KSR2: variants seen among roughly 807,000 people sequenced by gnomAD.
The protein encoded by KSR2 is kinase suppressor of ras 2.
KSR2 carries 25 observed loss-of-function variants against 107.8 expected under a neutral mutation model. The observed-to-expected ratio is 0.23, with a 90% CI of 0.17 to 0.32. The LOEUF (loss-of-function observed/expected upper bound fraction) is 0.32. Among genes scored for constraint, KSR2 ranks in the 10% least tolerant of loss-of-function variants. The pLI, the probability that KSR2 is intolerant of heterozygous loss-of-function variation, is 1.00. For synonymous variants in KSR2, 480 were observed against 507.0 expected (o/e 0.95, Z 0.71); for missense variants, 887 against 1,268.9 (o/e 0.70, Z 4.57).
At chr12:117,521,865 G>A (rs1274180854) in intron 14 of KSR2, among the ~76,000 whole-genome samples, 1 of 152,166 alleles carries the variant, frequency 6.6e-6, no homozygotes, top group African/African-American at 2.4e-5. Flanking sequence ...GTTTCAAACT[G>A]AACGTGCAGA....
chr12:117,768,333 G>A (rs78054786), intron 3 of KSR2, among the ~76,000 whole-genome samples: 4,926 of 152,304 alleles, frequency 0.032, 117 homozygotes, highest in African/African-American at 0.063. Flanking sequence ...TTGATCATAT[G>A]GCTTAAAAGC....
chr12:117,684,583 T>A (rs541729431), intron 4 of KSR2, among the ~76,000 whole-genome samples: 1 of 151,272 alleles, frequency 6.6e-6, no homozygotes, highest in African/African-American at 2.4e-5. Flanking sequence ...CTGTGTAGAG[T>A]GGTTATGTGG....
chr12:117,968,270 C>A lies in KSR2; in HGVS notation c.-15G>T. 1 of 1,561,708 alleles carries A rather than the reference C, an allele frequency of 6.4e-7. No homozygotes were observed. Among genetic ancestry groups the A allele is most frequent in the Non-Finnish European group, 8.6e-7 (1 of 1,160,112 alleles). ...TCCTCATCCATCGCTTGCTCTGCAA[C>A]CCCCTTCCCCTCCTCCTCCTCCCAG... On this transcript the variant is annotated 5_prime_UTR_variant, in exon 1 of 20. Transcript: ENST00000339824.
At chr12:117,583,514 T>C (rs1367553922) in intron 5 of KSR2, among the ~76,000 whole-genome samples, 1 of 151,840 alleles carries the variant, frequency 6.6e-6, no homozygotes, top group Non-Finnish European at 1.5e-5. Context: ...GGTGGGTGGA[T>C]GCATGATGAA....
At chr12:117,919,191 A>G (rs1407969495) in intron 1 of KSR2, among the ~76,000 whole-genome samples, 3 of 152,218 alleles carry the variant, frequency 2.0e-5, no homozygotes, top group Non-Finnish European at 4.4e-5. Flanking sequence ...CAAACCAGGC[A>G]TGTTCTTGCC....
In KSR2 at chr12:117,555,277, G is replaced by T. The variant is rs1192063645; in HGVS notation, c.1410C>A (p.Val470=). The change falls in exon 9 of 20, where the codon GTC becomes GTA. Residue 470 remains valine, a synonymous_variant. Coordinates refer to ENST00000339824, the MANE Select transcript of KSR2 (RefSeq NM_173598.6). ...IIHRGDPARL[V]RTESVPCDIN... ...TGTCACACGGAACGGACTCTGTCCG[G>T]ACTAACCTTGCTGGATCCGTAGGGG... 3 of 1,613,818 alleles carry T rather than the reference G, an allele frequency of 1.9e-6. No individual in the cohort carries two copies. Among genetic ancestry groups the T allele is most frequent in the Non-Finnish European group, 2.5e-6 (3 of 1,179,864 alleles).
chr12:117,470,961 C>T (rs532996416), intron 18 of KSR2, among the ~76,000 whole-genome samples: 5 of 152,318 alleles, frequency 3.3e-5, no homozygotes, highest in African/African-American at 9.6e-5. Flanking sequence ...TTAGGAAAAA[C>T]CTGACCACGT....
intron 3 of KSR2, among the ~76,000 whole-genome samples, chr12:117,786,174 G>A (rs1312779433): frequency 6.6e-6 from 1 of 151,180 alleles, no homozygotes; most frequent in Non-Finnish European, 1.5e-5. Context: ...CTTTTTTTTT[G>A]CAGATAAATT....
chr12:117,494,985 T>C lies in KSR2; in HGVS notation c.2220-9294A>G, dbSNP rs547235879. ...GGCCATCTGGCTGGAATCCAAAGAG[T>C]GTCTCCCAGTGGCTACTCTCTACAG... On this transcript the variant is annotated intron_variant, in intron 14 of 19. Transcript: ENST00000339824. Among the ~76,000 whole-genome samples the C allele has an allele frequency of 2.0e-5, 3 of 152,250 alleles. No individual in the cohort carries two copies. The East Asian group carries it at 5.8e-4, about 29-fold the overall frequency.
At position 117,472,236 on chromosome 12, in the gene KSR2, G is replaced by C. The variant is rs866493637; in HGVS notation, c.2583-916C>G. Among the ~76,000 whole-genome samples, 9 of 152,212 alleles carry C rather than the reference G, an allele frequency of 5.9e-5. No individual in the cohort carries two copies. The South Asian group carries it at 6.2e-4, about 11-fold the overall frequency. On this transcript the variant is annotated intron_variant, in intron 17 of 19. Coordinates refer to ENST00000339824, the MANE Select transcript of KSR2 (RefSeq NM_173598.6). ...ACAACTCCATGCTAGGATTATTCTAGAGGGATTTACCACATTATTTTCTGT... is the reference window on the plus strand; with the variant it reads ...ACAACTCCATGCTAGGATTATTCTACAGGGATTTACCACATTATTTTCTGT...
At chr12:117,705,196 C>T (rs1886475279) in intron 4 of KSR2, among the ~76,000 whole-genome samples, 2 of 152,112 alleles carry the variant, frequency 1.3e-5, no homozygotes, top group South Asian at 4.1e-4. Flanking sequence ...TGCCCACAGC[C>T]TAGCGAAGGG....
At chr12:117,469,886 C>A in intron 18 of KSR2, 91 bp from the exon 19 acceptor site, 1 of 1,271,094 alleles carries the variant, frequency 7.9e-7, no homozygotes. Context: ...TTTGTCCACT[C>A]ATCTGCCCCA....
At chr12:117,621,512 T>C (rs1882194582) in intron 5 of KSR2, among the ~76,000 whole-genome samples, 3 of 152,288 alleles carry the variant, frequency 2.0e-5, no homozygotes, top group South Asian at 2.1e-4. Context: ...AGGATAAATA[T>C]AGTATGTGCT....
intron 5 of KSR2, among the ~76,000 whole-genome samples, chr12:117,613,315 G>A (rs1517201): frequency 0.91 from 138,379 of 152,180 alleles, 63,176 homozygotes; most frequent in East Asian, 0.99. Context: ...AAATAGTAGT[G>A]TATCAGACTC....
chr12:117,772,709 CACAA>C (rs748449567), intron 3 of KSR2, among the ~76,000 whole-genome samples: 66 of 148,754 alleles, frequency 4.4e-4, no homozygotes, highest in African/African-American at 1.3e-3. Context: ...CCCAAAGATG[CACAA>C]ACACACACTC....
chr12:117,887,451 G>C (rs1277256879), intron 1 of KSR2, among the ~76,000 whole-genome samples: 2 of 152,134 alleles, frequency 1.3e-5, no homozygotes, highest in Non-Finnish European at 2.9e-5. Context: ...GGAGGGAGAG[G>C]TTCAGGTGAA....
intron 7 of KSR2, among the ~76,000 whole-genome samples, chr12:117,568,810 C>A (rs1355004475): frequency 6.6e-6 from 1 of 152,062 alleles, no homozygotes; most frequent in Non-Finnish European, 1.5e-5. Context: ...TATAATTAGA[C>A]CTAAATTTTT....
intron 5 of KSR2, among the ~76,000 whole-genome samples, chr12:117,616,343 G>A (rs1356355): frequency 0.91 from 138,212 of 152,006 alleles, 63,092 homozygotes; most frequent in East Asian, 0.99. Flanking sequence ...GAGGAATTGC[G>A]TTTTCTCCAT....
chr12:117,901,476 G>C (rs1176167910), intron 1 of KSR2, among the ~76,000 whole-genome samples: 3 of 151,732 alleles, frequency 2.0e-5, no homozygotes, highest in Non-Finnish European at 1.5e-5. Context: ...CTAATTTTTT[G>C]TATTTTAGTA....
Sources: gnomAD v4.1 joint callset for allele counts (sites outside exome capture counted in the v4.1 genomes callset) on GRCh38, gnomAD v4.1.1 for gene constraint, MANE v1.5 for transcripts, NCBI Gene and HGNC (gene_info 2026-07-23, HGNC 2026-07-21) for gene names.